ATF1: variants seen among roughly 807,000 people sequenced by gnomAD.
ATF1 encodes cyclic AMP-dependent transcription factor ATF-1.
In ATF1, 16 loss-of-function variants were observed where a neutral mutation model predicts 34.7. The observed-to-expected ratio is 0.46, with a 90% CI of 0.31 to 0.70. ATF1 has a LOEUF of 0.70. Ranked by LOEUF, ATF1 falls within the 30% of genes least tolerant of loss-of-function variation. The pLI, the probability that ATF1 is intolerant of heterozygous loss-of-function variation, is 0.05. For synonymous variants in ATF1, 105 were observed against 113.1 expected, an observed-to-expected ratio of 0.93 and a Z score of 0.46; for missense variants, 255 against 321.6, an observed-to-expected ratio of 0.79 and a Z score of 1.58.
chr12:50,778,996 A>C lies in ATF1; in HGVS notation c.-6-1144A>C, dbSNP rs189149317. Among the ~76,000 whole-genome samples the C allele has an allele frequency of 3.3e-5, 5 of 152,296 alleles. No homozygotes were observed. In the East Asian group the frequency reaches 9.6e-4, roughly 29 times the overall value. ...GAGTTTTGCTACTCTAGATACGTCA[A>C]GTTAGTGGAATCATAAAGTTTTTGT... On this transcript the variant is annotated intron_variant, in intron 1 of 6. Transcript: ENST00000262053.
chr12:50,782,378 C>G (rs917299102), intron 2 of ATF1, among the ~76,000 whole-genome samples: 2 of 151,842 alleles, frequency 1.3e-5, no homozygotes, highest in African/African-American at 4.8e-5. Flanking sequence ...GCCTCAGCCT[C>G]CCGAGTAGCT....
chr12:50,788,805 A>G (rs1272377988), intron 2 of ATF1, among the ~76,000 whole-genome samples: 3 of 152,180 alleles, frequency 2.0e-5, no homozygotes, highest in African/African-American at 7.2e-5. Flanking sequence ...GTCTTCTTGC[A>G]TCAGCTCTCA....
At chr12:50,792,533 T>G (rs1285049434) in intron 2 of ATF1, among the ~76,000 whole-genome samples, 1 of 152,184 alleles carries the variant, frequency 6.6e-6, no homozygotes, top group Non-Finnish European at 1.5e-5. Flanking sequence ...ATACAGAAAT[T>G]TGAAGACTTA....
intron 1 of ATF1, among the ~76,000 whole-genome samples, chr12:50,765,884 C>T (rs1365895426): frequency 6.6e-6 from 1 of 152,148 alleles, no homozygotes; most frequent in African/African-American, 2.4e-5. Context: ...CTTGTTTAGC[C>T]TATCATTGAG....
At chr12:50,805,573 A>C (rs1941599251) in intron 3 of ATF1, among the ~76,000 whole-genome samples, 1 of 151,840 alleles carries the variant, frequency 6.6e-6, no homozygotes, top group Non-Finnish European at 1.5e-5. Flanking sequence ...AAAAAAAAAA[A>C]AAAAAAAAAC....
At chr12:50,776,009 C>T (rs535717992) in intron 1 of ATF1, among the ~76,000 whole-genome samples, 8 of 151,902 alleles carry the variant, frequency 5.3e-5, no homozygotes, top group South Asian at 2.1e-4. Flanking sequence ...AACCTCGTCT[C>T]GACAAAAAAT....
chr12:50,769,770 ATTG>A (rs777201903), intron 1 of ATF1, among the ~76,000 whole-genome samples: 5 of 152,190 alleles, frequency 3.3e-5, no homozygotes, highest in Non-Finnish European at 5.9e-5. Flanking sequence ...TCCACAGACA[ATTG>A]TTGTCTTGTT....
intron 1 of ATF1, among the ~76,000 whole-genome samples, chr12:50,779,811 T>G (rs1282562074): frequency 1.3e-5 from 2 of 152,216 alleles, no homozygotes; most frequent in African/African-American, 4.8e-5. Flanking sequence ...AAACTATATG[T>G]ACACTTAGAA....
intron 2 of ATF1, among the ~76,000 whole-genome samples, chr12:50,781,514 G>A (rs760350926): frequency 7.2e-5 from 11 of 151,946 alleles, no homozygotes; most frequent in Non-Finnish European, 1.3e-4. Context: ...GCAGTGGTAC[G>A]ATCTCGGGTC....
At chr12:50,791,738 G>T (rs1025831137) in intron 2 of ATF1, among the ~76,000 whole-genome samples, 2 of 152,146 alleles carry the variant, frequency 1.3e-5, no homozygotes, top group Non-Finnish European at 2.9e-5. Flanking sequence ...TGAGATCTCT[G>T]TTAACTGAAA....
chr12:50,780,809 A>C (rs906146549), intron 2 of ATF1, among the ~76,000 whole-genome samples: 2 of 152,102 alleles, frequency 1.3e-5, no homozygotes, highest in South Asian at 4.1e-4. Context: ...AAAAATCAAA[A>C]ATTAGCCAGG....
intron 1 of ATF1, among the ~76,000 whole-genome samples, chr12:50,778,803 G>A (rs1940990386): frequency 2.0e-5 from 3 of 152,110 alleles, no homozygotes; most frequent in Admixed American, 6.5e-5. Flanking sequence ...CTGGTCTTGA[G>A]CTCTTCAGCT....
chr12:50,767,654 G>C (rs1292566726), intron 1 of ATF1, among the ~76,000 whole-genome samples: 2 of 152,214 alleles, frequency 1.3e-5, no homozygotes, highest in Admixed American at 1.3e-4. Context: ...CTTGTTTTAC[G>C]TCCTTGGGAG....
chr12:50,792,761 TGAG>T (rs1445949842), intron 2 of ATF1, among the ~76,000 whole-genome samples: 1 of 151,874 alleles, frequency 6.6e-6, no homozygotes, highest in Non-Finnish European at 1.5e-5. Flanking sequence ...TTTAAGGAAA[TGAG>T]GGACTTTTTT....
intron 6 of ATF1, 93 bp from the exon 7 acceptor site, chr12:50,819,542 A>G: frequency 7.0e-7 from 1 of 1,425,988 alleles, no homozygotes; most frequent in African/African-American, 1.4e-5. Context: ...TTAAAGAGAA[A>G]AAAAGGTGAC....
intron 6 of ATF1, among the ~76,000 whole-genome samples, chr12:50,814,644 A>G (rs2139696925): frequency 6.6e-6 from 1 of 152,310 alleles, no homozygotes; most frequent in South Asian, 2.1e-4. Flanking sequence ...GCAACACATT[A>G]CTCACGTTTG....
intron 1 of ATF1, among the ~76,000 whole-genome samples, chr12:50,774,869 TC>T (rs1334581721): frequency 6.6e-6 from 1 of 150,954 alleles, no homozygotes; most frequent in East Asian, 2.0e-4. Flanking sequence ...CTCCTCAGCC[TC>T]CCGAGTAGCT....
In ATF1 at chr12:50,819,827, G is replaced by A. The variant is rs1000211153; in HGVS notation, c.*48G>A. Reference sequence around the variant, plus strand: ...TGTGGACATGCATAAAAATTAAATGGATTTCCTAGTGGAGTTTTATAAATT... The same window carrying A: ...TGTGGACATGCATAAAAATTAAATGAATTTCCTAGTGGAGTTTTATAAATT... On this transcript the variant is annotated 3_prime_UTR_variant, in exon 7 of 7. Transcript: ENST00000262053. The A allele has an allele frequency of 2.8e-6, 4 of 1,411,990 alleles. No individual in the cohort carries two copies. Among genetic ancestry groups the A allele is most frequent in the Non-Finnish European group, 3.9e-6 (4 of 1,032,450 alleles). The allele number at this position is 1,411,990 out of a possible 1,614,324, so 87.5% of individuals were successfully genotyped here. A position where few individuals can be genotyped will look rare whatever the true frequency, so the allele number is the denominator to read the frequency against.
At chr12:50,777,578 C>T (rs1940955052) in intron 1 of ATF1, among the ~76,000 whole-genome samples, 1 of 152,034 alleles carries the variant, frequency 6.6e-6, no homozygotes, top group South Asian at 2.1e-4. Context: ...GCATTCAAGA[C>T]CAGCCTGGGC....
Sources: allele counts gnomAD v4.1 joint callset (sites outside exome capture counted in the v4.1 genomes callset), GRCh38; gene constraint gnomAD v4.1.1; transcripts MANE v1.5; gene names NCBI Gene and HGNC (gene_info 2026-07-23, HGNC 2026-07-21).